Variants in THTPA observed in about 807,000 individuals in gnomAD.
THTPA encodes thiamine triphosphatase, also known as thiamine-triphosphatase.
A neutral mutation model predicts 16.5 loss-of-function variants in THTPA; 16 were observed. The ratio of observed to expected loss-of-function variants is 0.97; its 90% CI spans 0.66 to 1.47. The LOEUF is 1.47. Ranked by LOEUF, THTPA falls within the 40% of genes most tolerant of loss-of-function variation. The pLI, the probability that THTPA is intolerant of heterozygous loss-of-function variation, is 0.00. For missense variants in THTPA, 281 were observed against 280.9 expected, an observed-to-expected ratio of 1.00 and a Z score of 0.00; for synonymous variants, 110 against 115.5, an observed-to-expected ratio of 0.95 and a Z score of 0.30.
the THTPA span, among the ~76,000 whole-genome samples, chr14:23,515,979 C>G: frequency 6.2e-3 from 948 of 152,124 alleles, 14 homozygotes; most frequent in African/African-American, 0.021. Context: ...GGGGTGATGT[C>G]AGAGTAATGA....
upstream of THTPA, among the ~76,000 whole-genome samples, chr14:23,554,038 C>CAAA (rs61363455): frequency 4.7e-4 from 17 of 36,058 alleles, no homozygotes; most frequent in African/African-American, 9.5e-4. Flanking sequence ...GACTCTGTCT[C>CAAA]AAAAAAAAAA....
chr14:23,537,116 C>T, the THTPA span, among the ~76,000 whole-genome samples: 4 of 151,962 alleles, frequency 2.6e-5, no homozygotes, highest in African/African-American at 4.8e-5. Flanking sequence ...ACTGCACCAT[C>T]GTACTTCAGC....
chr14:23,531,796 T>TAG, the THTPA span: 1 of 1,250,782 alleles, frequency 8.0e-7, no homozygotes, highest in Non-Finnish European at 1.0e-6. Context: ...TTTTTTTTTC[T>TAG]AGAGAGAGTC....
In THTPA at chr14:23,559,772, AGTT is replaced by A; in HGVS notation, c.*936_*938del. The A allele has an allele frequency of 1.2e-6, 2 of 1,614,120 alleles. No homozygotes were observed. The highest frequency in any genetic ancestry group is 2.7e-5 in the African/African-American group (2 of 75,042). Reference sequence around the variant, plus strand: ...AGTTACTGCCACGATTCCACAGGCAAGTTGTTCACCTCAAAGATCTCCTGCACC... The same window carrying A: ...AGTTACTGCCACGATTCCACAGGCAAGTTCACCTCAAAGATCTCCTGCACC... On this transcript the variant is annotated 3_prime_UTR_variant, in exon 2 of 2. Transcript: ENST00000288014.
At chr14:23,545,688 G>A in the THTPA span, among the ~76,000 whole-genome samples, 4 of 152,304 alleles carry the variant, frequency 2.6e-5, no homozygotes, top group African/African-American at 9.6e-5. Context: ...GAGAAGAAAG[G>A]CATCTGTGGC....
chr14:23,523,322 G>A, the THTPA span: 3 of 1,453,782 alleles, frequency 2.1e-6, no homozygotes, highest in Non-Finnish European at 2.7e-6. The surrounding 1 kb of genome is among the most constrained non-coding windows in gnomAD (Gnocchi z 4.1). Flanking sequence ...GGCAGGTGTG[G>A]TGGCAGGTGG....
the THTPA span, chr14:23,511,930 C>T: frequency 0.06 from 9,134 of 152,122 alleles, 625 homozygotes; most frequent in East Asian, 0.24. Flanking sequence ...TATTCTCCTC[C>T]TTCCCCCGCC....
chr14:23,525,965 G>A, the THTPA span: 1 of 1,504,288 alleles, frequency 6.6e-7, no homozygotes, highest in Non-Finnish European at 8.8e-7. This position sits in a 1 kb window ranked among gnomAD's most constrained non-coding sequence, Gnocchi z 5.9. Flanking sequence ...GGGAGGTGGG[G>A]GAGGGGACAG....
the THTPA span, chr14:23,527,782 C>CTGCA: frequency 2.0e-6 from 3 of 1,535,984 alleles, no homozygotes; most frequent in Non-Finnish European, 2.6e-6. Flanking sequence ...GCTCAGGAAG[C>CTGCA]TGCAGTATGG....
chr14:23,524,851 G>T, the THTPA span: 2 of 1,536,604 alleles, frequency 1.3e-6, no homozygotes, highest in Non-Finnish European at 1.7e-6. The surrounding 1 kb of genome is among the most constrained non-coding windows in gnomAD (Gnocchi z 5.6). Flanking sequence ...CCTCTTCAAG[G>T]GTCTGGTCAT....
upstream of THTPA, among the ~76,000 whole-genome samples, chr14:23,553,560 T>C (rs1882128512): frequency 7.1e-6 from 1 of 140,706 alleles, no homozygotes; most frequent in Non-Finnish European, 1.5e-5. Context: ...GATCACACCA[T>C]TGCACTCCAG....
the THTPA span, among the ~76,000 whole-genome samples, chr14:23,550,375 A>G: frequency 7.9e-5 from 12 of 152,350 alleles, no homozygotes; most frequent in East Asian, 1.7e-3. Context: ...GGCCAGAGAT[A>G]TCCAGACAGA....
chr14:23,551,407 G>C (rs1881936838), upstream of THTPA: 1 of 152,654 alleles, frequency 6.6e-6, no homozygotes, highest in Non-Finnish European at 1.5e-5. The surrounding 1 kb of genome is among the most constrained non-coding windows in gnomAD (Gnocchi z 5.3). Flanking sequence ...GCGGGGAGGG[G>C]AGGGGGCGGC....
chr14:23,541,987 C>T, the THTPA span, among the ~76,000 whole-genome samples: 9 of 151,766 alleles, frequency 5.9e-5, no homozygotes, highest in South Asian at 6.2e-4. Flanking sequence ...AGAGAAAGAA[C>T]GAGTATGGCA....
the THTPA span, chr14:23,524,285 A>G: frequency 2.0e-6 from 3 of 1,536,346 alleles, no homozygotes; most frequent in South Asian, 3.6e-5. This position sits in a 1 kb window ranked among gnomAD's most constrained non-coding sequence, Gnocchi z 5.6. Context: ...GCAGTCGAGC[A>G]TCTTGCGTGT....
chr14:23,545,435 CCTTT>C, the THTPA span, among the ~76,000 whole-genome samples: 192 of 152,306 alleles, frequency 1.3e-3, 2 homozygotes, highest in African/African-American at 4.6e-3. Context: ...TGCACTCCTT[CCTTT>C]CTCATTTAAA....
the THTPA span, among the ~76,000 whole-genome samples, chr14:23,544,715 CTCGCTGCCTCTA>C: frequency 6.6e-6 from 1 of 152,158 alleles, no homozygotes; most frequent in Non-Finnish European, 1.5e-5. Context: ...TCGTTACACT[CTCGCTGCCTCTA>C]ATGGCGCTAA....
rs759056588 is a variant in THTPA at position 23,556,765 on chromosome 14, A to C, written c.8A>C (p.Gln3Pro). The C allele has an allele frequency of 6.2e-7, 1 of 1,613,150 alleles. No homozygotes were observed. Among genetic ancestry groups the C allele is most frequent in the South Asian group, 1.1e-5 (1 of 90,908 alleles). MA[Q>P]GLIEVERKFL... ...CAGCCAATTGCAGGTAGCATGGCCC[A>C]GGGCTTGATTGAGGTGGAGCGAAAG... The change falls in exon 1 of 2, where the codon CAG becomes CCG. Residue 3 changes from glutamine to proline, a missense_variant. Physicochemically the swap from Gln to Pro is moderately conservative, Grantham distance 76. Coordinates refer to ENST00000288014, the MANE Select transcript of THTPA (RefSeq NM_024328.6).
chr14:23,528,766 C>T, the THTPA span: 29 of 985,398 alleles, frequency 2.9e-5, no homozygotes, highest in African/African-American at 5.1e-4. Context: ...AAATTCTGGC[C>T]CAGCCCTCTC....
Sources: gnomAD v4.1 joint callset for allele counts (sites outside exome capture counted in the v4.1 genomes callset) on GRCh38, gnomAD v4.1.1 for gene constraint, Gnocchi (gnomAD v3.1) non-coding constraint, MANE v1.5 for transcripts, NCBI Gene and HGNC (gene_info 2026-07-23, HGNC 2026-07-21) for gene names.